SCEL: variants seen among roughly 807,000 people sequenced by gnomAD.
SCEL encodes the protein sciellin.
Under a neutral mutation model 117.6 loss-of-function variants are expected in SCEL, and 113 were observed. The observed-to-expected ratio is 0.96, with a 90% CI of 0.83 to 1.12. The LOEUF is 1.12. Ranked by LOEUF, SCEL falls within the 50% of genes most tolerant of loss-of-function variation. The pLI, the probability that SCEL is intolerant of heterozygous loss-of-function variation, is 0.00. For synonymous variants in SCEL, 270 were observed against 256.2 expected (o/e 1.05, Z -0.51); for missense variants, 785 against 810.8 (o/e 0.97, Z 0.39).
At chr13:77,549,535 A>G (rs1415574668) in intron 1 of SCEL, among the ~76,000 whole-genome samples, 1 of 152,156 alleles carries the variant, frequency 6.6e-6, no homozygotes, top group Non-Finnish European at 1.5e-5. Context: ...TTATCCTTGC[A>G]ACTCTCATTC....
At chr13:77,555,452 G>C (rs1315735442) in intron 1 of SCEL, among the ~76,000 whole-genome samples, 1 of 152,116 alleles carries the variant, frequency 6.6e-6, no homozygotes, top group African/African-American at 2.4e-5. Context: ...GTGTGCTGTG[G>C]GTTCAGCACA....
intron 1 of SCEL, among the ~76,000 whole-genome samples, chr13:77,551,115 A>G (rs1232225039): frequency 1.3e-5 from 2 of 152,170 alleles, no homozygotes; most frequent in Non-Finnish European, 2.9e-5. Context: ...CTTGGTTTAG[A>G]AGCCCGATGC....
chr13:77,615,133 C>A (rs904958733), intron 24 of SCEL, among the ~76,000 whole-genome samples: 5 of 151,960 alleles, frequency 3.3e-5, no homozygotes, highest in Non-Finnish European at 7.4e-5. Context: ...TATTGAAGAG[C>A]TAATTAATAA....
rs1158566927 is a variant in SCEL at position 77,559,852 on chromosome 13, T to C, written c.210T>C (p.Asp70=). 3 of 1,612,894 alleles carry C rather than the reference T, an allele frequency of 1.9e-6. No individual in the cohort carries two copies. Among genetic ancestry groups the C allele is most frequent in the Non-Finnish European group, 1.7e-6 (2 of 1,179,054 alleles). Residue 70 remains aspartate (D), a synonymous_variant, in exon 4 of 33, where the codon GAT becomes GAC. Transcript: ENST00000349847. ...RVVLNRHNSH[D]ALDRKVNERD... is the part of the protein sequence containing the mutation. ...TGCTCAACCGACATAATTCCCATGATGCATTGGACAGGTGGGTGTTTAGAC... is the reference window on the plus strand; with the variant it reads ...TGCTCAACCGACATAATTCCCATGACGCATTGGACAGGTGGGTGTTTAGAC...
intron 9 of SCEL, among the ~76,000 whole-genome samples, chr13:77,578,878 A>C (rs2086108250): frequency 6.6e-6 from 1 of 152,106 alleles, no homozygotes; most frequent in African/African-American, 2.4e-5. Context: ...GCTCAGGTAA[A>C]AGGCAGGTTC....
At chr13:77,550,683 G>A (rs1567338048) in intron 1 of SCEL, among the ~76,000 whole-genome samples, 1 of 152,124 alleles carries the variant, frequency 6.6e-6, no homozygotes, top group Non-Finnish European at 1.5e-5. Context: ...CACATTGTAA[G>A]ATGAATCAGT....
At chr13:77,552,144 G>A (rs28885493) in intron 1 of SCEL, among the ~76,000 whole-genome samples, 5,995 of 152,008 alleles carry the variant, frequency 0.039, 200 homozygotes, top group Admixed American at 0.078. Context: ...GAACAGTGCC[G>A]CCATAAACAT....
chr13:77,627,942 C>A lies in SCEL; in HGVS notation c.1629-5C>A. The stretch of plus-strand genomic sequence containing the variant: ...TTATTCATATATATATATTTTTTTC[C>A]TTAGAGACCAGAACCTGGAAAATTT... On this transcript the variant is annotated splice_region_variant and splice_polypyrimidine_tract_variant and intron_variant, in intron 27 of 32. Coordinates refer to ENST00000349847, the MANE Select transcript of SCEL (RefSeq NM_144777.3). The A allele has an allele frequency of 1.5e-6, 2 of 1,353,814 alleles. No homozygotes were observed. Among genetic ancestry groups the A allele is most frequent in the Non-Finnish European group, 2.0e-6 (2 of 978,502 alleles). The allele number at this position is 1,353,814 out of a possible 1,614,324, so 83.9% of individuals were successfully genotyped here. A position where few individuals can be genotyped will look rare whatever the true frequency, so the allele number is the denominator to read the frequency against.
At chr13:77,544,978 AT>A (rs2083911725) in intron 1 of SCEL, among the ~76,000 whole-genome samples, 2 of 152,042 alleles carry the variant, frequency 1.3e-5, no homozygotes, top group Admixed American at 6.6e-5. Context: ...AATTGAAAAT[AT>A]TTTTTCCCTC....
rs1431886853 is a variant in SCEL, at chr13:77,555,904, C to G, written c.29C>G (p.Ser10Cys). Residue 10 changes from serine to cysteine, a missense_variant, in exon 2 of 33, where the codon TCT becomes TGT. Transcript: ENST00000349847. ...TCCAATGTTACCTTGAGAAAAATGT[C>G]TCCCACAGGAAATGGTAATGTACAT... is the stretch of plus-strand genomic sequence containing the variant. MSNVTLRKMSPTGNEMKSTT... is the reference protein window; with the variant it reads MSNVTLRKMCPTGNEMKSTT... 1.2e-6 allele frequency: 2 copies of G among 1,613,380 alleles called. No individual in the cohort carries two copies. The highest frequency in any genetic ancestry group is 2.7e-5 in the African/African-American group (2 of 74,884).
In SCEL at chr13:77,634,391, A is replaced by G. The variant is rs1323404147; in HGVS notation, c.1704A>G (p.Gly568=). ...SENKNGSSNT[G]AKQAGPQDTV... is the part of the protein sequence containing the mutation. Reference sequence around the variant, plus strand: ...ATTTGTTTTGCAGCTCTAACACTGGAGCCAAGCAGGCAGGACCACAGGATA... The same window carrying G: ...ATTTGTTTTGCAGCTCTAACACTGGGGCCAAGCAGGCAGGACCACAGGATA... The change falls in exon 29 of 33, where the codon GGA becomes GGG. Residue 568 remains glycine (G), a synonymous_variant. Coordinates refer to ENST00000349847, the MANE Select transcript of SCEL (RefSeq NM_144777.3). 1.9e-6 allele frequency: 3 copies of G among 1,613,372 alleles called. No homozygotes were observed. Among genetic ancestry groups the G allele is most frequent in the Middle Eastern group, 3.3e-4 (2 of 6,056 alleles).
chr13:77,583,731 A>G (rs2086396471), intron 9 of SCEL, among the ~76,000 whole-genome samples: 1 of 152,218 alleles, frequency 6.6e-6, no homozygotes, highest in Non-Finnish European at 1.5e-5. Context: ...CAAAATTCAC[A>G]GTTAAATATT....
intron 9 of SCEL, among the ~76,000 whole-genome samples, chr13:77,577,780 A>G (rs1439730479): frequency 1.3e-5 from 2 of 152,138 alleles, no homozygotes; most frequent in African/African-American, 2.4e-5. Context: ...ACTACCTAAA[A>G]TGAAATATTG....
At position 77,586,669 on chromosome 13, in the gene SCEL, A is replaced by G. The variant is rs569051150; in HGVS notation, c.546-2475A>G. Among the ~76,000 whole-genome samples, 5 of 152,298 alleles carry G rather than the reference A, an allele frequency of 3.3e-5. No individual in the cohort carries two copies. The East Asian group carries it at 9.6e-4, about 29-fold the overall frequency. ...AACCAGTTGAATATGGCAAGAGGAA[A>G]CAATGCCAAATAACCTGATTTTAAG... On this transcript the variant is annotated intron_variant, in intron 9 of 32. Transcript: ENST00000349847.
intron 9 of SCEL, among the ~76,000 whole-genome samples, chr13:77,582,402 A>G (rs1567377659): frequency 6.6e-6 from 1 of 151,864 alleles, no homozygotes; most frequent in Non-Finnish European, 1.5e-5. Context: ...GAATTTTTGT[A>G]TTTTTAGTAG....
At chr13:77,635,612 G>T (rs1419832983) in intron 29 of SCEL, among the ~76,000 whole-genome samples, 1 of 152,070 alleles carries the variant, frequency 6.6e-6, no homozygotes, top group Non-Finnish European at 1.5e-5. Flanking sequence ...TTAAGAATAG[G>T]AATATTCTGC....
intron 1 of SCEL, among the ~76,000 whole-genome samples, chr13:77,544,300 A>G (rs956415106): frequency 2.6e-5 from 4 of 151,676 alleles, no homozygotes; most frequent in African/African-American, 9.7e-5. Flanking sequence ...TCTTTCCTCT[A>G]TGAGCCCTTC....
At chr13:77,615,383 A>G (rs2088947551) in intron 24 of SCEL, among the ~76,000 whole-genome samples, 1 of 152,096 alleles carries the variant, frequency 6.6e-6, no homozygotes, top group African/African-American at 2.4e-5. Context: ...AGCGCCTTGG[A>G]AAATAGCAAA....
At chr13:77,641,634 T>C (rs1273701899) in intron 31 of SCEL, among the ~76,000 whole-genome samples, 1 of 152,152 alleles carries the variant, frequency 6.6e-6, no homozygotes, top group Non-Finnish European at 1.5e-5. Context: ...TTATTGGGCA[T>C]TGGTATTTTT....
Sources: allele counts gnomAD v4.1 joint callset (sites outside exome capture counted in the v4.1 genomes callset), GRCh38; gene constraint gnomAD v4.1.1; transcripts MANE v1.5; gene names NCBI Gene and HGNC (gene_info 2026-07-23, HGNC 2026-07-21).